PSMD9: variants seen among roughly 807,000 people sequenced by gnomAD.
PSMD9 encodes the protein proteasome 26S subunit, non-ATPase 9.
A neutral mutation model predicts 25.9 loss-of-function variants in PSMD9; 26 were observed. That is an observed-to-expected ratio of 1.00 (90% CI 0.73 to 1.39). PSMD9 has a LOEUF of 1.39. PSMD9 is among the 40% of genes most tolerant of loss of function. The pLI, the probability that PSMD9 is intolerant of heterozygous loss-of-function variation, is 0.00. For missense variants in PSMD9, 303 were observed against 299.3 expected, an observed-to-expected ratio of 1.01 and a Z score of -0.09; for synonymous variants, 110 against 114.5, an observed-to-expected ratio of 0.96 and a Z score of 0.25.
Position 121,899,819 on chromosome 12 carries a change from A to G in PSMD9, c.427A>G (p.Ser143Gly), listed in dbSNP as rs746019889. The change falls in exon 3 of 6, where the codon AGC becomes GGC. Residue 143 changes from serine (S) to glycine (G), a missense_variant. Physicochemically the swap from Ser to Gly is moderately conservative, Grantham distance 56. Coordinates refer to ENST00000541212, the MANE Select transcript of PSMD9 (RefSeq NM_002813.7). ...GGCCTTCGCCAAAGTGAACAGCATC[A>G]GCCCCGGCTCCCCAGCCAGCATCGC... ...PRAFAKVNSI[S>G]PGSPASIAGL... The G allele has an allele frequency of 9.3e-6, 15 of 1,613,916 alleles. No individual in the cohort carries two copies. Among genetic ancestry groups the G allele is most frequent in the Non-Finnish European group, 1.2e-5 (14 of 1,179,912 alleles).
chr12:121,899,542 A>G (rs1024681719), intron 2 of PSMD9, 92 bp from the exon 3 acceptor site: 3 of 1,222,186 alleles, frequency 2.5e-6, no homozygotes, highest in Admixed American at 2.3e-5. Flanking sequence ...CTGGCATGTA[A>G]TAAGCACTTG....
chr12:121,905,756 T>G (rs1208645698), intron 4 of PSMD9, among the ~76,000 whole-genome samples: 1 of 151,774 alleles, frequency 6.6e-6, no homozygotes, highest in Admixed American at 6.6e-5. Flanking sequence ...GGTCTCAAAC[T>G]CCTAACCTCA....
chr12:121,917,084 C>T lies in PSMD9; in HGVS notation c.*773C>T, dbSNP rs1879931706. 1 of 152,296 alleles carries T rather than the reference C, an allele frequency of 6.6e-6. No homozygotes were observed. 9.4% of individuals were successfully genotyped at this position (152,296 alleles called of 1,614,324 possible). A position where few individuals can be genotyped will look rare whatever the true frequency, so the allele number is the denominator to read the frequency against. On this transcript the variant is annotated 3_prime_UTR_variant, in exon 6 of 6. Coordinates refer to ENST00000541212, the MANE Select transcript of PSMD9 (RefSeq NM_002813.7). The stretch of plus-strand genomic sequence containing the variant: ...GTGTCGTGATCAAGGTTCACTGAAG[C>T]CTTGACGCTGTGGGCACTGCCTCAG...
chr12:121,906,800 C>G (rs1258622258), intron 4 of PSMD9, among the ~76,000 whole-genome samples: 1 of 148,358 alleles, frequency 6.7e-6, no homozygotes, highest in Admixed American at 6.7e-5. Flanking sequence ...GGCCGCACAG[C>G]GAGACTCTCC....
chr12:121,904,952 AG>A (rs1002234397), intron 4 of PSMD9, among the ~76,000 whole-genome samples: 19 of 151,530 alleles, frequency 1.3e-4, no homozygotes, highest in Non-Finnish European at 2.2e-4. Flanking sequence ...TTTTTACAAC[AG>A]TTTTATTGAG....
intron 2 of PSMD9, among the ~76,000 whole-genome samples, chr12:121,896,626 C>T (rs1038799207): frequency 2.0e-5 from 3 of 151,980 alleles, no homozygotes; most frequent in Admixed American, 6.5e-5. Flanking sequence ...CACCTGAGGT[C>T]GGGAGTTCGA....
intron 3 of PSMD9, chr12:121,902,569 C>T (rs3825172): frequency 0.26 from 47,920 of 184,438 alleles, 7,578 homozygotes; most frequent in East Asian, 0.51. Flanking sequence ...TGGATGCGCC[C>T]TGTGCCTGTG....
chr12:121,901,856 T>C (rs9737851), intron 3 of PSMD9, among the ~76,000 whole-genome samples: 2 of 151,838 alleles, frequency 1.3e-5, no homozygotes, highest in Non-Finnish European at 2.9e-5. Context: ...TTATTTTTTG[T>C]ATTTTTAGTA....
intron 1 of PSMD9, 146 bp downstream of exon 1, chr12:121,889,140 C>A: frequency 9.9e-7 from 1 of 1,006,550 alleles, no homozygotes; most frequent in Non-Finnish European, 1.4e-6. Flanking sequence ...CCTCTGTCGG[C>A]ACAAGAAGGC....
intron 4 of PSMD9, chr12:121,910,912 A>T (rs1017072229): frequency 1.5e-5 from 7 of 455,870 alleles, no homozygotes; most frequent in Non-Finnish European, 3.1e-5. Context: ...TCTCCATTAA[A>T]CACTAACTCT....
chr12:121,913,493 CTT>C (rs771986462), intron 4 of PSMD9, among the ~76,000 whole-genome samples: 23 of 134,730 alleles, frequency 1.7e-4, no homozygotes, highest in Non-Finnish European at 2.1e-4. Flanking sequence ...TTTCTTTTTT[CTT>C]TTTTTTTTTT....
intron 2 of PSMD9, among the ~76,000 whole-genome samples, chr12:121,896,042 G>A (rs1879218549): frequency 6.7e-6 from 1 of 150,228 alleles, no homozygotes; most frequent in Non-Finnish European, 1.5e-5. Flanking sequence ...GTCTCGCTCT[G>A]TCACCCAGGT....
At position 121,901,666 on chromosome 12, in the gene PSMD9, C is replaced by CTTTTTTTTTTT. The variant is rs563939839; in HGVS notation, c.454-1323_454-1313dup. 2.6e-3 allele frequency among the ~76,000 whole-genome samples: 242 copies of CTTTTTTTTTTT among 93,588 alleles called. 46 individuals carry two copies. Among genetic ancestry groups the CTTTTTTTTTTT allele is most frequent in the African/African-American group, 0.013 (217 of 16,968 alleles). 61.4% of individuals were successfully genotyped at this position (93,588 alleles called of 152,430 possible). ...TGTCATGCCTGGCCCTTCATTCCTTCTTTTTTTTTTTTTTTTTTTTTTTTT... is the reference window on the plus strand; with the variant it reads ...TGTCATGCCTGGCCCTTCATTCCTTCTTTTTTTTTTTTTTTTTTTTTTTTTTTTTTTTTTTT... On this transcript the variant is annotated intron_variant, in intron 3 of 5. Coordinates refer to ENST00000541212, the MANE Select transcript of PSMD9 (RefSeq NM_002813.7).
At position 121,889,282 on chromosome 12, in the gene PSMD9, C is replaced by G. The variant is rs534423862; in HGVS notation, c.138+288C>G. 2.6e-5 allele frequency among the ~76,000 whole-genome samples: 4 copies of G among 152,352 alleles called. 1 individual carries two copies. The highest frequency in any genetic ancestry group is 9.6e-5 in the African/African-American group (4 of 41,580). ...AGTTAATTTAATCTTTGCAACAACC[C>G]TTTGAGGTGGATGCTGTTACTCTTT... On this transcript the variant is annotated intron_variant, in intron 1 of 5. Transcript: ENST00000541212.
chr12:121,903,206 C>A, intron 4 of PSMD9, 99 bp downstream of exon 4: 2 of 1,101,686 alleles, frequency 1.8e-6, no homozygotes, highest in Non-Finnish European at 2.7e-6. Flanking sequence ...TTTTTCACAG[C>A]TCTGGAGGCA....
chr12:121,918,154 A>G lies in PSMD9; in HGVS notation c.*1843A>G, dbSNP rs943851839. On this transcript the variant is annotated 3_prime_UTR_variant, in exon 6 of 6. Coordinates refer to ENST00000541212, the MANE Select transcript of PSMD9 (RefSeq NM_002813.7). This position sits in a 1 kb window ranked among gnomAD's most constrained non-coding sequence, Gnocchi z 4.3. ...GAAACGCTTTGTGCTGAGAACCGCAAGCTGGTGCACCCTGTGTCATATCTG... is the reference window on the plus strand; with the variant it reads ...GAAACGCTTTGTGCTGAGAACCGCAGGCTGGTGCACCCTGTGTCATATCTG... 6.6e-6 allele frequency: 1 copy of G among 152,288 alleles called. No individual in the cohort carries two copies. The highest frequency in any genetic ancestry group is 6.6e-5 in the Admixed American group (1 of 15,264). 9.4% of individuals were successfully genotyped at this position (152,288 alleles called of 1,614,324 possible).
chr12:121,915,744 C>T (rs1205177272), intron 4 of PSMD9, 112 bp from the exon 5 acceptor site: 1 of 951,634 alleles, frequency 1.1e-6, no homozygotes, highest in African/African-American at 1.6e-5. Flanking sequence ...GATTATGCTG[C>T]AAATGTAAAT....
intron 4 of PSMD9, among the ~76,000 whole-genome samples, chr12:121,903,473 C>G (rs1879459416): frequency 6.6e-6 from 1 of 152,170 alleles, no homozygotes; most frequent in South Asian, 2.1e-4. Context: ...CACAGACATT[C>G]AGGTCATAGC....
At chr12:121,901,413 A>G (rs994085027) in intron 3 of PSMD9, among the ~76,000 whole-genome samples, 12 of 152,122 alleles carry the variant, frequency 7.9e-5, no homozygotes, top group South Asian at 4.1e-4. Context: ...CCATGGTGCC[A>G]TCATAGCTCA....
Sources: allele counts gnomAD v4.1 joint callset (sites outside exome capture counted in the v4.1 genomes callset), GRCh38; gene constraint gnomAD v4.1.1; non-coding constraint Gnocchi (gnomAD v3.1); transcripts MANE v1.5; gene names NCBI Gene and HGNC (gene_info 2026-07-23, HGNC 2026-07-21).